DNAH1: variants seen among roughly 807,000 people sequenced by gnomAD.
DNAH1 encodes axonemal beta dynein heavy chain 1.
A neutral mutation model predicts 484.3 loss-of-function variants in DNAH1; 327 were observed. The observed-to-expected ratio is 0.68, with a 90% CI of 0.62 to 0.74. The LOEUF is 0.74. DNAH1 is among the 30% of genes least tolerant of loss of function. DNAH1 has a pLI of 0.00. For missense variants in DNAH1, 5,052 were observed against 5,546.8 expected (o/e 0.91, Z 2.83); for synonymous variants, 2,192 against 2,191.9 (o/e 1.00, Z 0.00).
rs1702714235 is a variant in DNAH1, at chr3:52,358,568, A to G, written c.4097A>G (p.Gln1366Arg). 5 of 1,608,966 alleles carry G rather than the reference A, an allele frequency of 3.1e-6. No homozygotes were observed. Among genetic ancestry groups the G allele is most frequent in the Non-Finnish European group, 4.2e-6 (5 of 1,177,868 alleles). Reference protein sequence around the residue: ...CFENIARLLFQEDLEITHMYS... With the variant: ...CFENIARLLFREDLEITHMYS... ...CTCCACTGCTTGCAGCTGCTATTCCAGGAGGACCTGGAGATCACGCACATG... is the reference window on the plus strand; with the variant it reads ...CTCCACTGCTTGCAGCTGCTATTCCGGGAGGACCTGGAGATCACGCACATG... Residue 1366 changes from glutamine to arginine, a missense_variant, in exon 25 of 78, where the codon CAG becomes CGG. This residue lies in a region of DNAH1 where 2,929 missense variants were observed against 3,409.4 expected (regional missense o/e 0.86). Coordinates refer to ENST00000420323, the MANE Select transcript of DNAH1 (RefSeq NM_015512.5). The surrounding 1 kb of genome is among the most constrained non-coding windows in gnomAD (Gnocchi z 4.2).
intron 32 of DNAH1, among the ~76,000 whole-genome samples, chr3:52,363,909 G>T (rs1246011319): frequency 2.0e-5 from 3 of 152,114 alleles, no homozygotes; most frequent in Non-Finnish European, 4.4e-5. Flanking sequence ...GTTCATCACA[G>T]TGCACTCCTG....
chr3:52,396,929 G>A lies in DNAH1; in HGVS notation c.11672G>A (p.Arg3891Gln), dbSNP rs772027879. The change falls in exon 73 of 78, where the codon CGG becomes CAG. Residue 3891 changes from arginine to glutamine, a missense_variant. Coordinates refer to ENST00000420323, the MANE Select transcript of DNAH1 (RefSeq NM_015512.5). ...YGGRVTDDWD[R>Q]RCIMNILEDF... ...GGCCGTGTCACTGATGACTGGGACC[G>A]GCGCTGCATCATGAACATCTTGGAG... is the stretch of plus-strand genomic sequence containing the variant. The A allele has an allele frequency of 8.2e-6, 13 of 1,584,830 alleles. No homozygotes were observed. The highest frequency in any genetic ancestry group is 1.7e-5 in the Admixed American group (1 of 58,878).
intron 73 of DNAH1, 129 bp from the exon 74 acceptor site, chr3:52,397,578 G>A (rs779250631): frequency 1.2e-6 from 1 of 858,078 alleles, no homozygotes; most frequent in East Asian, 2.7e-5. Context: ...GCAGGGACAT[G>A]CATAAGGGTT....
rs1704115892 is a variant in DNAH1 at position 52,386,483 on chromosome 3, C to A, written c.8811+138C>A. On this transcript the variant is annotated intron_variant, in intron 55 of 77. Coordinates refer to ENST00000420323, the MANE Select transcript of DNAH1 (RefSeq NM_015512.5). ...CCCAGGGCCCAAGTAGGAGCATGGGCACCTGGGTTGGGGAACAGAAGGAAC... is the reference window on the plus strand; with the variant it reads ...CCCAGGGCCCAAGTAGGAGCATGGGAACCTGGGTTGGGGAACAGAAGGAAC... 1.6e-5 allele frequency: 21 copies of A among 1,338,382 alleles called. No individual in the cohort carries two copies. The South Asian group carries it at 2.8e-4, about 18-fold the overall frequency. 82.9% of individuals were successfully genotyped at this position (1,338,382 alleles called of 1,614,324 possible).
chr3:52,349,956 G>A, intron 14 of DNAH1, 33 bp from the exon 15 acceptor site: 5 of 1,580,100 alleles, frequency 3.2e-6, no homozygotes, highest in Non-Finnish European at 4.3e-6. Context: ...GGAGCAGCAT[G>A]CTGCCCTCCC....
At position 52,384,806 on chromosome 3, in the gene DNAH1, C is replaced by T. The variant is rs1333207281; in HGVS notation, c.8343C>T (p.Ile2781=). 1.2e-6 allele frequency: 2 copies of T among 1,605,966 alleles called. No homozygotes were observed. The highest frequency in any genetic ancestry group is 1.7e-6 in the Non-Finnish European group (2 of 1,176,146). ...CCCAGATCCAGGTCTGTGTGTACAT[C>T]CACCAGTCGGTGTCCAAGAAGTGCA... ...IQGLIQVCVY[I]HQSVSKKCIE... Residue 2781 remains isoleucine (I), a synonymous_variant, in exon 53 of 78, where the codon ATC becomes ATT. Transcript: ENST00000420323.
chr3:52,363,670 A>T (rs1319101380), intron 32 of DNAH1, among the ~76,000 whole-genome samples: 1 of 152,174 alleles, frequency 6.6e-6, no homozygotes, highest in Admixed American at 6.5e-5. Context: ...AGCAGCAGAG[A>T]CGAGTCCCAC....
Position 52,357,435 on chromosome 3 carries a change from G to A in DNAH1, c.3859-179G>A, listed in dbSNP as rs540076371. 9.2e-5 allele frequency among the ~76,000 whole-genome samples: 14 copies of A among 151,938 alleles called. No individual in the cohort carries two copies. The South Asian group carries it at 2.3e-3, about 25-fold the overall frequency. On this transcript the variant is annotated intron_variant, in intron 22 of 77. Coordinates refer to ENST00000420323, the MANE Select transcript of DNAH1 (RefSeq NM_015512.5). ...TTGTTTAACTCTAACTTGTTTGACC[G>A]TAGAATTTTTTCTGTGGGGCTGATG...
At position 52,399,105 on chromosome 3, in the gene DNAH1, TG is replaced by T; in HGVS notation, c.12347del (p.Gly4116AspfsTer9). Reference sequence around the variant, plus strand: ...GCATCCCAGCTGTCTTCTGGATCAGTGGATTCTTCTTCCCCCAGGCTTTCTT... The same window carrying T: ...GCATCCCAGCTGTCTTCTGGATCAGTGATTCTTCTTCCCCCAGGCTTTCTT... ...DGIPAVFWIS[G>X]FFFPQAFLTG... On this transcript the variant is annotated frameshift_variant, in exon 76 of 78. Transcript: ENST00000420323. LOFTEE classifies it high-confidence loss of function. 3 of 1,614,064 alleles carry T rather than the reference TG, an allele frequency of 1.9e-6. No homozygotes were observed. The highest frequency in any genetic ancestry group is 2.5e-6 in the Non-Finnish European group (3 of 1,179,898).
rs1285785491 is a variant in DNAH1, at chr3:52,397,152, A to G, written c.11787+108A>G. The stretch of plus-strand genomic sequence containing the variant: ...GGAGGAGATGCAGCCCCCACCCTCC[A>G]TCAGCTGTCTTTTCATCAGTCAATC... On this transcript the variant is annotated intron_variant, in intron 73 of 77. Coordinates refer to ENST00000420323, the MANE Select transcript of DNAH1 (RefSeq NM_015512.5). 3 of 1,043,732 alleles carry G rather than the reference A, an allele frequency of 2.9e-6. No individual in the cohort carries two copies. In the African/African-American group the frequency reaches 4.8e-5, roughly 17 times the overall value. 64.7% of individuals were successfully genotyped at this position (1,043,732 alleles called of 1,614,324 possible).
chr3:52,393,854 G>A (rs1349513356), intron 66 of DNAH1, among the ~76,000 whole-genome samples: 1 of 152,184 alleles, frequency 6.6e-6, no homozygotes, highest in Non-Finnish European at 1.5e-5. Context: ...GGCTGAGATC[G>A]TGCCACTGCA....
Position 52,378,585 on chromosome 3 carries a change from T to C in DNAH1, c.7199-17T>C. ...AGCTCCTGGCATGTGACCCAGGCCA[T>C]TCTCCTATTCCCCCAGCTGGGGCCC... On this transcript the variant is annotated splice_polypyrimidine_tract_variant and intron_variant, in intron 46 of 77. Coordinates refer to ENST00000420323, the MANE Select transcript of DNAH1 (RefSeq NM_015512.5). The C allele has an allele frequency of 1.2e-6, 2 of 1,612,452 alleles. No homozygotes were observed. The highest frequency in any genetic ancestry group is 1.7e-6 in the Non-Finnish European group (2 of 1,179,396).
At chr3:52,350,174 G>A (rs771758540) in intron 15 of DNAH1, 66 bp downstream of exon 15, 4 of 1,568,002 alleles carry the variant, frequency 2.6e-6, no homozygotes, top group Non-Finnish European at 3.5e-6. Flanking sequence ...TCCGAGGGCT[G>A]GGGCAGGCAG....
chr3:52,345,692 C>G lies in DNAH1; in HGVS notation c.1642C>G (p.Gln548Glu). 1 of 1,612,712 alleles carries G rather than the reference C, an allele frequency of 6.2e-7. No homozygotes were observed. The highest frequency in any genetic ancestry group is 1.7e-4 in the Middle Eastern group (1 of 6,060). The part of the protein sequence containing the change: ...HLEEFEQIQS[Q>E]TFSQVQMFLK... ...GGAGGAATTTGAGCAGATCCAGTCA[C>G]AGACCTTCTCCCAGGTTTGTGGGCA... The change falls in exon 10 of 78, where the codon CAG becomes GAG. Residue 548 changes from glutamine to glutamate, a missense_variant. Gln to Glu is a conservative substitution (Grantham distance 29). Coordinates refer to ENST00000420323, the MANE Select transcript of DNAH1 (RefSeq NM_015512.5).
upstream of DNAH1, among the ~76,000 whole-genome samples, chr3:52,312,110 GCAGGGA>G (rs1327446958): frequency 6.6e-6 from 1 of 152,196 alleles, no homozygotes; most frequent in Non-Finnish European, 1.5e-5. Flanking sequence ...AAGGCCCTGG[GCAGGGA>G]CCGAGGGTCC....
intron 10 of DNAH1, among the ~76,000 whole-genome samples, chr3:52,346,039 G>C (rs1050966118): frequency 1.3e-5 from 2 of 152,200 alleles, no homozygotes. Flanking sequence ...ATGTTGACCT[G>C]TGGATTGGGG....
At chr3:52,374,343 G>A in intron 44 of DNAH1, 1 of 1,504,406 alleles carries the variant, frequency 6.6e-7, no homozygotes, top group Non-Finnish European at 9.2e-7. Flanking sequence ...TCTCTTGAGT[G>A]TCTACCACCC....
At chr3:52,314,064 C>T (rs993008224), upstream of DNAH1, among the ~76,000 whole-genome samples, 1 of 152,186 alleles carries the variant, frequency 6.6e-6, no homozygotes, top group African/African-American at 2.4e-5. Context: ...AGCTAAGCCT[C>T]AGCAAACCCA....
At chr3:52,383,680 G>A (rs1180199342) in intron 51 of DNAH1, 86 bp downstream of exon 51, 28 of 1,439,894 alleles carry the variant, frequency 1.9e-5, no homozygotes, top group South Asian at 4.2e-5. Context: ...GATGCCATGC[G>A]CTGGGGCCTG....
Sources: gnomAD v4.1 joint callset for allele counts (sites outside exome capture counted in the v4.1 genomes callset) on GRCh38, gnomAD v4.1.1 for gene constraint, gnomAD v4.1.1 regional missense constraint, Gnocchi (gnomAD v3.1) non-coding constraint, MANE v1.5 for transcripts, NCBI Gene and HGNC (gene_info 2026-07-23, HGNC 2026-07-21) for gene names.